The following MEIS2 variants were observed in gnomAD, a reference collection of about 807,000 sequenced individuals.
The protein encoded by MEIS2 is Meis homeobox 2.
MEIS2 carries 9 observed loss-of-function variants against 58.6 expected under a neutral mutation model. The observed-to-expected ratio is 0.15, with a 90% CI of 0.09 to 0.27. MEIS2 has a LOEUF of 0.27. Ranked by LOEUF, MEIS2 falls within the 10% of genes least tolerant of loss-of-function variation. MEIS2 has a pLI of 1.00. For synonymous variants in MEIS2, 221 were observed against 228.4 expected (o/e 0.97, Z 0.29); for missense variants, 427 against 635.0 (o/e 0.67, Z 3.52).
At chr15:37,098,721 C>T (rs1240832980) in intron 1 of MEIS2, among the ~76,000 whole-genome samples, 2 of 152,072 alleles carry the variant, frequency 1.3e-5, no homozygotes, top group Non-Finnish European at 2.9e-5. Context: ...GGATCCCACC[C>T]CTAACCCCCC....
chr15:36,916,430 T>TAA (rs58199968), intron 9 of MEIS2, among the ~76,000 whole-genome samples: 24 of 121,530 alleles, frequency 2.0e-4, no homozygotes, highest in African/African-American at 6.1e-4. Flanking sequence ...CCATCTCAAT[T>TAA]AAAAAAAAAA....
chr15:37,099,709 TCCTCCTCCTCCTCCA>T lies in MEIS2; in HGVS notation c.-258_-244del, dbSNP rs1240454260. The T allele has an allele frequency of 1.7e-5, 7 of 402,010 alleles. No individual in the cohort carries two copies. Among genetic ancestry groups the T allele is most frequent in the African/African-American group, 1.0e-4 (5 of 48,264 alleles). 24.9% of individuals were successfully genotyped at this position (402,010 alleles called of 1,614,324 possible). A position where few individuals can be genotyped will look rare whatever the true frequency, so the allele number is the denominator to read the frequency against. On this transcript the variant is annotated 5_prime_UTR_variant, in exon 1 of 12. Transcript: ENST00000561208. ...CTCTTCTTCCTCCTCCTCCTGATCT[TCCTCCTCCTCCTCCA>T]CCTCCTCCTCCTCCCCCCTCCCCTC... is the stretch of plus-strand genomic sequence containing the variant.
chr15:36,903,047 G>A (rs1021491337), intron 9 of MEIS2, among the ~76,000 whole-genome samples: 2 of 151,990 alleles, frequency 1.3e-5, no homozygotes, highest in African/African-American at 2.4e-5. Context: ...ATTTGACTAA[G>A]GTTTATATGG....
intron 6 of MEIS2, among the ~76,000 whole-genome samples, chr15:37,088,887 A>G (rs942148658): frequency 2.0e-5 from 3 of 152,236 alleles, no homozygotes; most frequent in African/African-American, 4.8e-5. Context: ...TATTAAAAAA[A>G]GAAAATGAAT....
chr15:37,026,419 C>T (rs925813905), intron 8 of MEIS2, among the ~76,000 whole-genome samples: 22 of 152,026 alleles, frequency 1.4e-4, no homozygotes, highest in African/African-American at 4.8e-4. Context: ...ATAGAATTGC[C>T]AAATATTTCC....
chr15:36,933,264 T>C (rs2058047091), intron 9 of MEIS2, among the ~76,000 whole-genome samples: 2 of 152,122 alleles, frequency 1.3e-5, no homozygotes, highest in Admixed American at 1.3e-4. Flanking sequence ...CGGCTTTCTA[T>C]AGGGTCTGTG....
intron 8 of MEIS2, among the ~76,000 whole-genome samples, chr15:37,036,079 T>A (rs764616344): frequency 6.6e-6 from 1 of 152,204 alleles, no homozygotes; most frequent in Non-Finnish European, 1.5e-5. Flanking sequence ...TTTTTTGTCA[T>A]AAGAGTCTTA....
chr15:36,974,613 C>G (rs1316480482), intron 8 of MEIS2, among the ~76,000 whole-genome samples: 1 of 152,186 alleles, frequency 6.6e-6, no homozygotes, highest in East Asian at 1.9e-4. Flanking sequence ...CTTATACTTT[C>G]TGGATGTTTA....
chr15:36,945,944 G>A (rs1417105480), intron 9 of MEIS2, among the ~76,000 whole-genome samples: 6 of 151,990 alleles, frequency 3.9e-5, no homozygotes, highest in African/African-American at 7.2e-5. Context: ...CACCCTGTGT[G>A]TTGTGTTTGT....
chr15:37,046,629 A>G (rs570972583), intron 7 of MEIS2, among the ~76,000 whole-genome samples: 99 of 152,272 alleles, frequency 6.5e-4, no homozygotes, highest in Non-Finnish European at 1.2e-3. Context: ...TGTATTTTCC[A>G]TATCATGTTG....
chr15:37,045,484 A>G (rs66500858), intron 7 of MEIS2, among the ~76,000 whole-genome samples: 20,176 of 151,586 alleles, frequency 0.13, 2,220 homozygotes, highest in Non-Finnish European at 0.19. Flanking sequence ...AGATTAAAAA[A>G]AAGAAGAAGA....
At chr15:36,927,211 G>C (rs895942605) in intron 9 of MEIS2, among the ~76,000 whole-genome samples, 1 of 152,186 alleles carries the variant, frequency 6.6e-6, no homozygotes, top group Non-Finnish European at 1.5e-5. Flanking sequence ...ATCCTGCTGA[G>C]AGGCTAGCCC....
Position 36,946,875 on chromosome 15 carries a change from A to G in MEIS2, c.977+3449T>C, listed in dbSNP as rs991823750. ...GTCTGATTCCTGAGCCTGACTGCTT[A>G]CCCATCATGCTATATTACCTTTAGA... On this transcript the variant is annotated intron_variant, in intron 9 of 11. Transcript: ENST00000561208. Among the ~76,000 whole-genome samples the G allele has an allele frequency of 2.6e-5, 4 of 152,036 alleles. No homozygotes were observed. The South Asian group carries it at 8.3e-4, about 31-fold the overall frequency.
In MEIS2 at chr15:37,099,667, T is replaced by A; in HGVS notation, c.-201A>T. On this transcript the variant is annotated 5_prime_UTR_variant, in exon 1 of 12. Transcript: ENST00000561208. Reference sequence around the variant, plus strand: ...GAATTTTTTTTTCTGTGATATTTCTTCTTTTTCTCTTTTTTCCTCTTCTTC... The same window carrying A: ...GAATTTTTTTTTCTGTGATATTTCTACTTTTTCTCTTTTTTCCTCTTCTTC... 1.6e-6 allele frequency: 1 copy of A among 615,522 alleles called. No individual in the cohort carries two copies. Among genetic ancestry groups the A allele is most frequent in the Non-Finnish European group, 2.7e-6 (1 of 376,848 alleles). 38.1% of individuals were successfully genotyped at this position (615,522 alleles called of 1,614,324 possible).
chr15:36,934,079 G>A (rs1378980842), intron 9 of MEIS2, among the ~76,000 whole-genome samples: 1 of 152,088 alleles, frequency 6.6e-6, no homozygotes, highest in African/African-American at 2.4e-5. Context: ...CATACTATTG[G>A]TAACGAATAT....
intron 8 of MEIS2, among the ~76,000 whole-genome samples, chr15:36,979,392 G>A (rs2059859284): frequency 6.6e-6 from 1 of 152,088 alleles, no homozygotes; most frequent in Non-Finnish European, 1.5e-5. Context: ...GATACTCCAT[G>A]TAAACACTCT....
intron 8 of MEIS2, among the ~76,000 whole-genome samples, chr15:37,007,700 G>A (rs2060973458): frequency 6.6e-6 from 1 of 152,102 alleles, no homozygotes; most frequent in African/African-American, 2.4e-5. Context: ...ACACACTTGG[G>A]GACCACTGAT....
At chr15:37,060,653 A>AT (rs1319521530) in intron 7 of MEIS2, among the ~76,000 whole-genome samples, 2 of 152,226 alleles carry the variant, frequency 1.3e-5, no homozygotes, top group Non-Finnish European at 2.9e-5. Context: ...AACTTTTCAA[A>AT]TAAGACTGGG....
In MEIS2 at chr15:36,975,523, A is replaced by G. The variant is rs560533585; in HGVS notation, c.901-25123T>C. Among the ~76,000 whole-genome samples the G allele has an allele frequency of 2.6e-5, 3 of 117,576 alleles. No homozygotes were observed. In the South Asian group the frequency reaches 1.0e-3, roughly 40 times the overall value. 77.1% of individuals were successfully genotyped at this position (117,576 alleles called of 152,430 possible). On this transcript the variant is annotated intron_variant, in intron 8 of 11. Coordinates refer to ENST00000561208, the MANE Select transcript of MEIS2 (RefSeq NM_170675.5). ...ATTTACTGAACGTCTACCATGTGCTAAGCGCTCCTCACATACACCTGCATC... is the reference window on the plus strand; with the variant it reads ...ATTTACTGAACGTCTACCATGTGCTGAGCGCTCCTCACATACACCTGCATC...
Sources: allele counts gnomAD v4.1 joint callset (sites outside exome capture counted in the v4.1 genomes callset), GRCh38; gene constraint gnomAD v4.1.1; transcripts MANE v1.5; gene names NCBI Gene and HGNC (gene_info 2026-07-23, HGNC 2026-07-21).